The following ZFAT variants were observed in gnomAD, a reference collection of about 807,000 sequenced individuals.
The protein encoded by ZFAT is zinc finger protein ZFAT.
In ZFAT, 64 loss-of-function variants were observed where a neutral mutation model predicts 117.7. The ratio of observed to expected loss-of-function variants is 0.54; its 90% CI spans 0.44 to 0.67. The LOEUF (loss-of-function observed/expected upper bound fraction) is 0.67. ZFAT is among the 30% of genes least tolerant of loss of function. ZFAT has a pLI of 0.00. For missense variants in ZFAT, 1,433 were observed against 1,584.5 expected, an observed-to-expected ratio of 0.90 and a Z score of 1.62; for synonymous variants, 679 against 615.0, an observed-to-expected ratio of 1.10 and a Z score of -1.54.
intron 11 of ZFAT, among the ~76,000 whole-genome samples, chr8:134,536,466 C>A (rs1821848283): frequency 6.6e-6 from 1 of 152,168 alleles, no homozygotes; most frequent in Non-Finnish European, 1.5e-5. Flanking sequence ...TATATGAAGT[C>A]AATTACCACC....
Position 134,478,837 on chromosome 8 carries a change from C to T in ZFAT, c.3493-116G>A. On this transcript the variant is annotated intron_variant, in intron 15 of 15. Coordinates refer to ENST00000377838, the MANE Select transcript of ZFAT (RefSeq NM_020863.4). The surrounding 1 kb of genome is among the most constrained non-coding windows in gnomAD (Gnocchi z 5.2). ...AGTGCGCTGCGGGAGCACGTCCATT[C>T]TCCACGGATCCTCTCTACCAGGCTG... The T allele has an allele frequency of 7.1e-7, 1 of 1,403,998 alleles. No individual in the cohort carries two copies. The highest frequency in any genetic ancestry group is 9.5e-7 in the Non-Finnish European group (1 of 1,048,906). The allele number at this position is 1,403,998 out of a possible 1,614,324, so 87.0% of individuals were successfully genotyped here.
the ZFAT span, among the ~76,000 whole-genome samples, chr8:134,755,817 C>CAAAAAAAAAAAAAAAAAA: frequency 2.7e-4 from 24 of 89,926 alleles, no homozygotes; most frequent in Non-Finnish European, 4.1e-4. Flanking sequence ...GACTCCATCT[C>CAAAAAAAAAAAAAAAAAA]AAAAAAAAAA....
the ZFAT span, among the ~76,000 whole-genome samples, chr8:134,762,854 C>T: frequency 6.6e-6 from 1 of 152,180 alleles, no homozygotes; most frequent in African/African-American, 2.4e-5. Context: ...TCCCAGTCCT[C>T]CTCTGGTAAA....
chr8:134,741,873 C>A, the ZFAT span, among the ~76,000 whole-genome samples: 1 of 151,716 alleles, frequency 6.6e-6, no homozygotes, highest in Non-Finnish European at 1.5e-5. Flanking sequence ...AAAAAACAAA[C>A]CAAGGATACA....
intron 1 of ZFAT, among the ~76,000 whole-genome samples, chr8:134,685,070 C>T (rs1162049530): frequency 2.6e-5 from 4 of 152,216 alleles, no homozygotes; most frequent in Admixed American, 2.0e-4. Flanking sequence ...ACGCTGCCTC[C>T]TGTTGGTCAC....
At chr8:134,756,233 C>A in the ZFAT span, among the ~76,000 whole-genome samples, 26 of 152,186 alleles carry the variant, frequency 1.7e-4, no homozygotes, top group Non-Finnish European at 2.4e-4. Context: ...TGAAATCAGA[C>A]CCCATTAATC....
the ZFAT span, among the ~76,000 whole-genome samples, chr8:134,735,153 A>T: frequency 6.6e-6 from 1 of 152,192 alleles, no homozygotes; most frequent in Admixed American, 6.6e-5. Flanking sequence ...ATTTTACAGG[A>T]GGGTTTTAAA....
At chr8:134,600,839 G>C (rs923326432) in intron 6 of ZFAT, 171 bp from the exon 7 acceptor site, 4 of 620,232 alleles carry the variant, frequency 6.4e-6, no homozygotes, top group Non-Finnish European at 7.9e-6. Flanking sequence ...TTCAAAGGTG[G>C]GAGGTTGCAA....
chr8:134,799,734 C>T, the ZFAT span, among the ~76,000 whole-genome samples: 23 of 152,248 alleles, frequency 1.5e-4, no homozygotes, highest in African/African-American at 5.1e-4. Flanking sequence ...TTCTTTGCCA[C>T]TATATTACAA....
chr8:134,605,032 G>A (rs1195818520), intron 5 of ZFAT, among the ~76,000 whole-genome samples: 1 of 152,150 alleles, frequency 6.6e-6, no homozygotes, highest in Non-Finnish European at 1.5e-5. Flanking sequence ...CTGACTTTTT[G>A]TATTATTAGG....
chr8:134,522,378 C>T (rs1820727752), intron 12 of ZFAT, among the ~76,000 whole-genome samples: 1 of 152,268 alleles, frequency 6.6e-6, no homozygotes, highest in Non-Finnish European at 1.5e-5. Flanking sequence ...GAGTTTCATT[C>T]AGTCACCCAT....
the ZFAT span, among the ~76,000 whole-genome samples, chr8:134,730,791 G>A: frequency 6.6e-6 from 1 of 152,174 alleles, no homozygotes; most frequent in Non-Finnish European, 1.5e-5. Flanking sequence ...CCAGGATGAC[G>A]AAGGCATGCA....
intron 3 of ZFAT, among the ~76,000 whole-genome samples, chr8:134,611,282 G>A (rs544293458): frequency 2.0e-5 from 3 of 152,382 alleles, no homozygotes; most frequent in Non-Finnish European, 4.4e-5. Context: ...GCAAGCATGT[G>A]CGAAGCAATG....
intron 2 of ZFAT, among the ~76,000 whole-genome samples, chr8:134,657,098 T>C (rs1831652425): frequency 6.6e-6 from 1 of 152,218 alleles, no homozygotes; most frequent in South Asian, 2.1e-4. Flanking sequence ...AACAACAGCT[T>C]CCTTTTATCA....
chr8:134,759,447 T>G, the ZFAT span, among the ~76,000 whole-genome samples: 1 of 152,216 alleles, frequency 6.6e-6, no homozygotes, highest in Non-Finnish European at 1.5e-5. Context: ...AGATTCCTAT[T>G]ATCTGGGACA....
intron 12 of ZFAT, among the ~76,000 whole-genome samples, chr8:134,529,654 G>A (rs1821271763): frequency 6.6e-6 from 1 of 152,172 alleles, no homozygotes; most frequent in African/African-American, 2.4e-5. Flanking sequence ...GTCACCCAGT[G>A]CCCTCAGGGT....
At chr8:134,716,143 T>TTATA (rs375486869), upstream of ZFAT, among the ~76,000 whole-genome samples, 27 of 142,204 alleles carry the variant, frequency 1.9e-4, 1 homozygote, top group South Asian at 4.6e-4. Flanking sequence ...TAAAATTTAT[T>TTATA]TATATATATA....
chr8:134,706,889 A>G (rs940015379), intron 1 of ZFAT, among the ~76,000 whole-genome samples: 12 of 152,016 alleles, frequency 7.9e-5, no homozygotes, highest in South Asian at 4.2e-4. Flanking sequence ...AAAAAAAAAA[A>G]AAAGAAAGAA....
the ZFAT span, among the ~76,000 whole-genome samples, chr8:134,777,014 A>G: frequency 3.9e-5 from 6 of 152,234 alleles, no homozygotes; most frequent in Non-Finnish European, 7.3e-5. Flanking sequence ...TCATTTAAGG[A>G]TGCGGTAGAA....
Sources: gnomAD v4.1 joint callset for allele counts (sites outside exome capture counted in the v4.1 genomes callset) on GRCh38, gnomAD v4.1.1 for gene constraint, Gnocchi (gnomAD v3.1) non-coding constraint, MANE v1.5 for transcripts, NCBI Gene and HGNC (gene_info 2026-07-23, HGNC 2026-07-21) for gene names.